COL20A1: variants seen among roughly 807,000 people sequenced by gnomAD.
COL20A1 encodes the protein collagen alpha-1(XX) chain.
In COL20A1, 164 loss-of-function variants were observed where a neutral mutation model predicts 152.9. The ratio of observed to expected loss-of-function variants is 1.07; its 90% confidence interval spans 0.94 to 1.22. The LOEUF (loss-of-function observed/expected upper bound fraction) is 1.22. Among genes scored for constraint, COL20A1 ranks in the 50% most tolerant of loss-of-function variants. The probability of loss-of-function intolerance (pLI) is 0.00; values close to 1 mark genes in which losing one functional copy is unlikely to be tolerated. For synonymous variants in COL20A1, 864 were observed against 756.0 expected, an observed-to-expected ratio of 1.14 and a Z score of -2.34; for missense variants, 1,873 against 1,744.8, an observed-to-expected ratio of 1.07 and a Z score of -1.31.
chr20:63,312,280 C>A, intron 14 of COL20A1, 140 bp from the exon 15 acceptor site: 3 of 1,154,188 alleles, frequency 2.6e-6, no homozygotes, highest in Non-Finnish European at 3.5e-6. Flanking sequence ...GCCCTCCCAT[C>A]CCTCAGGACA....
intron 20 of COL20A1, 114 bp from the exon 21 acceptor site, chr20:63,316,439 T>G: frequency 7.6e-6 from 1 of 132,322 alleles, no homozygotes; most frequent in Non-Finnish European, 1.4e-5. Context: ...CACCCCTCCC[T>G]CCCACCGCAC....
intron 26 of COL20A1, among the ~76,000 whole-genome samples, chr20:63,321,345 C>T (rs567965016): frequency 2.6e-5 from 4 of 152,324 alleles, no homozygotes; most frequent in South Asian, 2.1e-4. Context: ...AGTGCGGAAT[C>T]CAGTGATTCT....
chr20:63,310,599 G>T (rs2067992661), intron 11 of COL20A1, 89 bp downstream of exon 11: 1 of 1,387,388 alleles, frequency 7.2e-7, no homozygotes, highest in East Asian at 2.5e-5. Context: ...GGGCAGCATA[G>T]CGAGCAGCTC....
At chr20:63,326,187 G>A in intron 30 of COL20A1, 38 bp downstream of exon 30, 2 of 1,553,150 alleles carry the variant, frequency 1.3e-6, no homozygotes, top group Non-Finnish European at 1.8e-6. Context: ...CCCCCACCCA[G>A]GGTTCCTGTG....
Position 63,305,926 on chromosome 20 carries a change from C to T in COL20A1, c.383C>T (p.Pro128Leu), listed in dbSNP as rs751343678. ...SSSLDRSSQR[P>L]LGSGAPEPTP... ...TCCCTGGACAGGAGCAGCCAGAGGC[C>T]CCTCGGCTCTGGAGCCCCGGAGCCC... Residue 128 changes from proline to leucine, a missense_variant, in exon 5 of 36, where the codon CCC becomes CTC. Coordinates refer to ENST00000358894, the MANE Select transcript of COL20A1 (RefSeq NM_020882.4). The surrounding 1 kb of genome is among the most constrained non-coding windows in gnomAD (Gnocchi z 4.9). 6.2e-7 allele frequency: 1 copy of T among 1,612,706 alleles called. No homozygotes were observed. The highest frequency in any genetic ancestry group is 8.5e-7 in the Non-Finnish European group (1 of 1,179,662).
chr20:63,304,729 C>T (rs1432087298), intron 3 of COL20A1, among the ~76,000 whole-genome samples: 1 of 152,014 alleles, frequency 6.6e-6, no homozygotes, highest in Non-Finnish European at 1.5e-5. Context: ...TCCTCCCTCC[C>T]TCCCTCCCTC....
intron 34 of COL20A1, 26 bp downstream of exon 34, chr20:63,328,524 G>A (rs377307928): frequency 1.9e-6 from 3 of 1,591,564 alleles, no homozygotes; most frequent in South Asian, 1.1e-5. Flanking sequence ...CTCTTGGGGA[G>A]GGAGTTGTGG....
In COL20A1 at chr20:63,315,556, T is replaced by C. The variant is rs2068073566; in HGVS notation, c.2524+117T>C. Reference sequence around the variant, plus strand: ...CAGTGGTGGTGCAGTTGGAGGATGTTTGGGCGGGTTTGTGCCTCCACAGAC... The same window carrying C: ...CAGTGGTGGTGCAGTTGGAGGATGTCTGGGCGGGTTTGTGCCTCCACAGAC... On this transcript the variant is annotated intron_variant, in intron 20 of 35. Transcript: ENST00000358894. 5.2e-6 allele frequency: 5 copies of C among 965,026 alleles called. No homozygotes were observed. In the East Asian group the frequency reaches 1.4e-4, roughly 27 times the overall value. The allele number at this position is 965,026 out of a possible 1,614,324, so 59.8% of individuals were successfully genotyped here. A position where few individuals can be genotyped will look rare whatever the true frequency, so the allele number is the denominator to read the frequency against.
chr20:63,316,626 C>A lies in COL20A1; in HGVS notation c.2598C>A (p.Pro866=). Residue 866 remains proline, a synonymous_variant, in exon 21 of 36, where the codon CCC becomes CCA. Transcript: ENST00000358894. ...CCATCCGGGGCGTGGCCATGGAGCC[C>A]TCTGCCTTCGGTGGGACCCCGACCT... is the stretch of plus-strand genomic sequence containing the variant. ...YASIRGVAME[P]SAFGGTPTFT... 6.3e-7 allele frequency: 1 copy of A among 1,580,804 alleles called. No individual in the cohort carries two copies. The highest frequency in any genetic ancestry group is 8.6e-7 in the Non-Finnish European group (1 of 1,163,800).
chr20:63,328,211 C>G, intron 33 of COL20A1, 84 bp downstream of exon 33: 1 of 1,567,722 alleles, frequency 6.4e-7, no homozygotes, highest in Non-Finnish European at 8.7e-7. Context: ...CTGGCCAGGC[C>G]GAGGGAGGCC....
Position 63,313,291 on chromosome 20 carries a change from G to C in COL20A1, c.2209+42G>C, listed in dbSNP as rs563560669. 4.4e-6 allele frequency: 7 copies of C among 1,575,976 alleles called. No individual in the cohort carries two copies. The African/African-American group carries it at 6.7e-5, about 15-fold the overall frequency. The stretch of plus-strand genomic sequence containing the variant: ...TTCCCCTCTGCTGGGTGTGGGGCAG[G>C]GATGGCCCAGGGGATCCCTGACTCA... On this transcript the variant is annotated intron_variant, in intron 17 of 35. Coordinates refer to ENST00000358894, the MANE Select transcript of COL20A1 (RefSeq NM_020882.4). The surrounding 1 kb of genome is among the most constrained non-coding windows in gnomAD (Gnocchi z 5.9).
chr20:63,305,216 G>T lies in COL20A1; in HGVS notation c.194-201G>T, dbSNP rs140086967. Among the ~76,000 whole-genome samples the T allele has an allele frequency of 4.8e-3, 725 of 151,978 alleles. 6 individuals are homozygous for T. Among genetic ancestry groups the T allele is most frequent in the African/African-American group, 0.017 (687 of 41,414 alleles). The stretch of plus-strand genomic sequence containing the variant: ...TAGTAAGTGACATCTTCTTTTCACC[G>T]CCCCAAGACCCCCATTCTCTGTCAC... On this transcript the variant is annotated intron_variant, in intron 3 of 35. Transcript: ENST00000358894. This position sits in a 1 kb window ranked among gnomAD's most constrained non-coding sequence, Gnocchi z 4.9.
chr20:63,306,287 C>T lies in COL20A1; in HGVS notation c.496+248C>T, dbSNP rs2067925315. Among the ~76,000 whole-genome samples the T allele has an allele frequency of 1.0e-5, 1 of 98,780 alleles. No homozygotes were observed. The highest frequency in any genetic ancestry group is 2.1e-5 in the Non-Finnish European group (1 of 46,834). The allele number at this position is 98,780 out of a possible 152,430, so 64.8% of individuals were successfully genotyped here. A position where few individuals can be genotyped will look rare whatever the true frequency, so the allele number is the denominator to read the frequency against. ...GGAAGTTCTTCCTCGTGTCTGACCA[C>T]ACGGTCTCTGACCACGAGGCCGGGA... On this transcript the variant is annotated intron_variant, in intron 5 of 35. Coordinates refer to ENST00000358894, the MANE Select transcript of COL20A1 (RefSeq NM_020882.4). This position sits in a 1 kb window ranked among gnomAD's most constrained non-coding sequence, Gnocchi z 6.9.
intron 3 of COL20A1, among the ~76,000 whole-genome samples, chr20:63,300,253 C>G (rs935126052): frequency 6.6e-6 from 1 of 151,990 alleles, no homozygotes; most frequent in African/African-American, 2.4e-5. Context: ...TCCTCTTATT[C>G]TGTTTTCTGG....
At position 63,321,258 on chromosome 20, in the gene COL20A1, G is replaced by T. The variant is rs189581877; in HGVS notation, c.3240+159G>T. ...CATGAGCCTCTTCCCTGCTGTGCCC[G>T]CCCTGGGCCAGGAGACAGAGGCCTG... On this transcript the variant is annotated intron_variant, in intron 26 of 35. Transcript: ENST00000358894. 3.3e-5 allele frequency among the ~76,000 whole-genome samples: 5 copies of T among 151,972 alleles called. No individual in the cohort carries two copies. The East Asian group carries it at 9.7e-4, about 29-fold the overall frequency.
rs1020592992 is a variant in COL20A1, at chr20:63,311,806, G to A, written c.1663+58G>A. On this transcript the variant is annotated intron_variant, in intron 13 of 35. Coordinates refer to ENST00000358894, the MANE Select transcript of COL20A1 (RefSeq NM_020882.4). This position sits in a 1 kb window ranked among gnomAD's most constrained non-coding sequence, Gnocchi z 4.4. ...GGCGGGTGCCCCATCTTGTTCCTCA[G>A]CCTTCCATGGCATGGGAGACCTCAG... The A allele has an allele frequency of 1.9e-6, 3 of 1,541,490 alleles. No homozygotes were observed. The highest frequency in any genetic ancestry group is 1.4e-5 in the African/African-American group (1 of 73,474).
chr20:63,327,042 A>T (rs989579295), intron 31 of COL20A1, among the ~76,000 whole-genome samples: 54 of 151,772 alleles, frequency 3.6e-4, no homozygotes, highest in African/African-American at 1.2e-3. Context: ...TCCTGGTGAC[A>T]GCCCATGGAC....
chr20:63,305,468 TG>T lies in COL20A1; in HGVS notation c.251del (p.Gly84AlafsTer2), dbSNP rs1441570950. The T allele has an allele frequency of 6.3e-7, 1 of 1,596,308 alleles. No homozygotes were observed. The highest frequency in any genetic ancestry group is 1.1e-5 in the South Asian group (1 of 88,498). On this transcript the variant is annotated frameshift_variant, in exon 4 of 36. Transcript: ENST00000358894. LOFTEE classifies it high-confidence loss of function. The surrounding 1 kb of genome is among the most constrained non-coding windows in gnomAD (Gnocchi z 4.9). Reference sequence around the variant, plus strand: ...ACCACCAAGACCCCTAAGGCCACAGTGGGGGGCCTGAGCCCCTCCAAGGGCT... The same window carrying T: ...ACCACCAAGACCCCTAAGGCCACAGTGGGGGCCTGAGCCCCTCCAAGGGCT... Reference protein sequence around the residue: ...ILTTKTPKATVGGLSPSKGYT... With the variant: ...ILTTKTPKATXGGLSPSKGYT...
Position 63,305,742 on chromosome 20 carries a change from C to A in COL20A1, c.338-139C>A. The stretch of plus-strand genomic sequence containing the variant: ...CGACTCACCAGCAAGGCTGCCTTGC[C>A]CCTGACATCTTTGCATGCCTCCCAG... On this transcript the variant is annotated intron_variant, in intron 4 of 35. Coordinates refer to ENST00000358894, the MANE Select transcript of COL20A1 (RefSeq NM_020882.4). This position sits in a 1 kb window ranked among gnomAD's most constrained non-coding sequence, Gnocchi z 4.9. 2 of 1,097,938 alleles carry A rather than the reference C, an allele frequency of 1.8e-6. No homozygotes were observed. Among genetic ancestry groups the A allele is most frequent in the Non-Finnish European group, 2.6e-6 (2 of 764,898 alleles). 68.0% of individuals were successfully genotyped at this position (1,097,938 alleles called of 1,614,324 possible).
Sources: allele counts gnomAD v4.1 joint callset (sites outside exome capture counted in the v4.1 genomes callset), GRCh38; gene constraint gnomAD v4.1.1; non-coding constraint Gnocchi (gnomAD v3.1); transcripts MANE v1.5; gene names NCBI Gene and HGNC (gene_info 2026-07-23, HGNC 2026-07-21).